The following ADAMTSL3 variants were observed in gnomAD, a reference collection of about 807,000 sequenced individuals.
The protein encoded by ADAMTSL3 is ADAMTS like 3.
Under a neutral mutation model 201.7 loss-of-function variants are expected in ADAMTSL3, and 128 were observed. The observed-to-expected ratio is 0.63, with a 90% CI of 0.55 to 0.73. ADAMTSL3 has a LOEUF of 0.73. Ranked by LOEUF, ADAMTSL3 falls within the 30% of genes least tolerant of loss-of-function variation. ADAMTSL3 has a pLI of 0.00. For missense variants in ADAMTSL3, 1,990 were observed against 2,119.6 expected (o/e 0.94, Z 1.20); for synonymous variants, 738 against 748.4 (o/e 0.99, Z 0.23).
chr15:83,871,334 T>G (rs1464015805), intron 9 of ADAMTSL3, among the ~76,000 whole-genome samples: 1 of 152,184 alleles, frequency 6.6e-6, no homozygotes, highest in Non-Finnish European at 1.5e-5. Flanking sequence ...CAAGTGATCC[T>G]TCTGCCTCAA....
chr15:83,909,438 TTC>T (rs2065895326), intron 15 of ADAMTSL3, among the ~76,000 whole-genome samples: 1 of 152,184 alleles, frequency 6.6e-6, no homozygotes, highest in Non-Finnish European at 1.5e-5. Flanking sequence ...TGAGCAGCTT[TTC>T]TGTTTCATGC....
At chr15:83,996,774 C>T (rs746668215) in intron 23 of ADAMTSL3, among the ~76,000 whole-genome samples, 19 of 100,906 alleles carry the variant, frequency 1.9e-4, no homozygotes, top group South Asian at 3.8e-4. Flanking sequence ...GAGCGAGACT[C>T]TGCCTCAAAA....
At chr15:83,753,990 T>G (rs2062678533) in intron 3 of ADAMTSL3, among the ~76,000 whole-genome samples, 1 of 152,232 alleles carries the variant, frequency 6.6e-6, no homozygotes, top group African/African-American at 2.4e-5. Flanking sequence ...TAAGTCATCA[T>G]GAGAGTAAAG....
chr15:83,717,859 C>T (rs184517729), intron 3 of ADAMTSL3, among the ~76,000 whole-genome samples: 5 of 152,190 alleles, frequency 3.3e-5, no homozygotes, highest in Admixed American at 6.5e-5. Context: ...TTTGCAGTGA[C>T]GTTATTGTTG....
chr15:83,711,839 A>G (rs1461669865), intron 3 of ADAMTSL3, among the ~76,000 whole-genome samples: 3 of 152,008 alleles, frequency 2.0e-5, no homozygotes, highest in African/African-American at 7.2e-5. Flanking sequence ...GGATGCAGAC[A>G]TTTTCCTCTT....
chr15:83,909,714 A>T (rs1223864123), intron 15 of ADAMTSL3, among the ~76,000 whole-genome samples: 1 of 152,008 alleles, frequency 6.6e-6, no homozygotes, highest in Non-Finnish European at 1.5e-5. Context: ...TTCTGGGTTC[A>T]AGTGATTCTC....
intron 8 of ADAMTSL3, among the ~76,000 whole-genome samples, chr15:83,859,473 T>A (rs1342970671): frequency 3.3e-5 from 5 of 152,234 alleles, no homozygotes; most frequent in Non-Finnish European, 7.3e-5. Flanking sequence ...CTAGATTTCC[T>A]GAAAAACTAC....
rs2141828171 is a variant in ADAMTSL3, at chr15:83,871,084, A to G, written c.960+125A>G. On this transcript the variant is annotated intron_variant, in intron 9 of 29. Transcript: ENST00000286744. ...TTTTTATACAGAGCATGTGTCATCA[A>G]TATTTCCATCTTGGCAGTCCATTCT... 5 of 1,091,016 alleles carry G rather than the reference A, an allele frequency of 4.6e-6. No homozygotes were observed. In the East Asian group the frequency reaches 1.0e-4, roughly 23 times the overall value. The allele number at this position is 1,091,016 out of a possible 1,614,324, so 67.6% of individuals were successfully genotyped here. A position where few individuals can be genotyped will look rare whatever the true frequency, so the allele number is the denominator to read the frequency against.
intron 23 of ADAMTSL3, among the ~76,000 whole-genome samples, chr15:83,992,521 C>G (rs919311824): frequency 6.6e-6 from 1 of 152,184 alleles, no homozygotes; most frequent in Non-Finnish European, 1.5e-5. Context: ...CTGCAGATGC[C>G]AAGCCACAGA....
chr15:83,834,361 A>G lies in ADAMTSL3; in HGVS notation c.601-3728A>G, dbSNP rs1239773725. Among the ~76,000 whole-genome samples the G allele has an allele frequency of 2.0e-5, 3 of 152,182 alleles. No individual in the cohort carries two copies. In the East Asian group the frequency reaches 5.8e-4, roughly 29 times the overall value. Reference sequence around the variant, plus strand: ...TGCAGACCTTCTGTGGGCTGAAGCAAAATGTTTCTGAGTATCCCCACTGAC... The same window carrying G: ...TGCAGACCTTCTGTGGGCTGAAGCAGAATGTTTCTGAGTATCCCCACTGAC... On this transcript the variant is annotated intron_variant, in intron 6 of 29. Transcript: ENST00000286744.
chr15:83,948,124 A>T (rs977935038), intron 19 of ADAMTSL3, among the ~76,000 whole-genome samples: 1 of 152,194 alleles, frequency 6.6e-6, no homozygotes, highest in African/African-American at 2.4e-5. Context: ...ACAACCCAAG[A>T]TATGTCCAGG....
intron 8 of ADAMTSL3, among the ~76,000 whole-genome samples, chr15:83,868,483 A>T (rs1168943419): frequency 6.6e-6 from 1 of 152,170 alleles, no homozygotes; most frequent in Non-Finnish European, 1.5e-5. Flanking sequence ...CTTGCTGTGG[A>T]TTGGGCACAG....
intron 3 of ADAMTSL3, among the ~76,000 whole-genome samples, chr15:83,719,868 C>T (rs1238701102): frequency 6.6e-6 from 1 of 152,162 alleles, no homozygotes; most frequent in African/African-American, 2.4e-5. Context: ...TTAACAGCCT[C>T]ACCAGGACAC....
intron 7 of ADAMTSL3, among the ~76,000 whole-genome samples, chr15:83,850,499 A>G (rs543592797): frequency 6.7e-6 from 1 of 149,016 alleles, no homozygotes; most frequent in Admixed American, 6.7e-5. Flanking sequence ...ATATTTATAT[A>G]TAAAAATATT....
Position 83,982,961 on chromosome 15 carries a change from G to C in ADAMTSL3, c.3333G>C (p.Glu1111Asp), listed in dbSNP as rs747404490. 6.2e-7 allele frequency: 1 copy of C among 1,614,148 alleles called. No homozygotes were observed. The highest frequency in any genetic ancestry group is 8.5e-7 in the Non-Finnish European group (1 of 1,180,012). ...RNMSQLMETG[E>D]VSDDLASQLI... The stretch of plus-strand genomic sequence containing the variant: ...TGAGTCAGCTCATGGAAACCGGAGA[G>C]GTCAGCGATGATCTTGCGTCCCAGC... The change falls in exon 21 of 30, where the codon GAG (glutamate) becomes GAC (aspartate). Residue 1111 changes from glutamate (E) to aspartate (D), a missense_variant. Coordinates refer to ENST00000286744, the MANE Select transcript of ADAMTSL3 (RefSeq NM_207517.3).
intron 4 of ADAMTSL3, among the ~76,000 whole-genome samples, chr15:83,786,746 C>A (rs567016824): frequency 6.6e-6 from 1 of 152,168 alleles, no homozygotes; most frequent in African/African-American, 2.4e-5. Flanking sequence ...ACTTATTCTT[C>A]AAGGTCATGC....
Position 83,747,677 on chromosome 15 carries a change from G to T in ADAMTSL3, c.190-25846G>T, listed in dbSNP as rs137892933. On this transcript the variant is annotated intron_variant, in intron 3 of 29. Transcript: ENST00000286744. ...TGAAATTCAAAATTTGGCCCTAACT[G>T]TTCATCATAGGTCCTTGTTTACTTT... Among the ~76,000 whole-genome samples, 3 of 152,172 alleles carry T rather than the reference G, an allele frequency of 2.0e-5. No individual in the cohort carries two copies. In the East Asian group the frequency reaches 5.8e-4, roughly 29 times the overall value.
intron 3 of ADAMTSL3, among the ~76,000 whole-genome samples, chr15:83,717,879 T>C (rs572017947): frequency 6.6e-6 from 1 of 152,316 alleles, no homozygotes; most frequent in East Asian, 1.9e-4. Context: ...GATGGTAGCA[T>C]TGGACTTGCT....
At chr15:83,822,755 C>T (rs1290050463) in intron 6 of ADAMTSL3, among the ~76,000 whole-genome samples, 10 of 151,074 alleles carry the variant, frequency 6.6e-5, no homozygotes, top group Admixed American at 4.6e-4. Flanking sequence ...AGACGATGGG[C>T]GGCCAGGCAG....
Sources: gnomAD v4.1 joint callset for allele counts (sites outside exome capture counted in the v4.1 genomes callset) on GRCh38, gnomAD v4.1.1 for gene constraint, MANE v1.5 for transcripts, NCBI Gene and HGNC (gene_info 2026-07-23, HGNC 2026-07-21) for gene names.